RBPJ: variants seen among roughly 807,000 people sequenced by gnomAD.
RBPJ encodes recombination signal binding protein for immunoglobulin kappa J region, also known as recombining binding protein suppressor of hairless.
A neutral mutation model predicts 67.8 loss-of-function variants in RBPJ; 9 were observed. That is an observed-to-expected ratio of 0.13 (90% CI 0.08 to 0.23). RBPJ has a LOEUF of 0.23. Ranked by LOEUF, RBPJ falls within the 10% of genes least tolerant of loss-of-function variation. RBPJ has a pLI of 1.00. For missense variants in RBPJ, 305 were observed against 595.6 expected, an observed-to-expected ratio of 0.51 and a Z score of 5.08; for synonymous variants, 198 against 203.3, an observed-to-expected ratio of 0.97 and a Z score of 0.22.
At chr4:26,324,869 T>C (rs1723458087) in intron 1 of RBPJ, among the ~76,000 whole-genome samples, 2 of 152,216 alleles carry the variant, frequency 1.3e-5, no homozygotes, top group South Asian at 4.1e-4. Flanking sequence ...ACAACATGCT[T>C]TCACTGGACT....
At chr4:26,344,966 C>A (rs1390561468) in intron 1 of RBPJ, among the ~76,000 whole-genome samples, 1 of 152,182 alleles carries the variant, frequency 6.6e-6, no homozygotes, top group Non-Finnish European at 1.5e-5. Context: ...AAATGAGCTG[C>A]TGCTTTATTT....
At chr4:26,142,572 A>G in the RBPJ span, among the ~76,000 whole-genome samples, 1 of 152,364 alleles carries the variant, frequency 6.6e-6, no homozygotes, top group African/African-American at 2.4e-5. Flanking sequence ...AAGTGTTCAC[A>G]GGTATCACAC....
At chr4:26,208,408 A>G (rs60370991) in intron 1 of RBPJ, among the ~76,000 whole-genome samples, 21,146 of 152,180 alleles carry the variant, frequency 0.14, 1,704 homozygotes, top group South Asian at 0.2. Flanking sequence ...CTAGTGCAGA[A>G]GAGAAGGCTG....
At chr4:26,420,747 A>G in intron 5 of RBPJ, 22 bp downstream of exon 5, 1 of 1,555,342 alleles carries the variant, frequency 6.4e-7, no homozygotes, top group Non-Finnish European at 8.7e-7. Flanking sequence ...TTTCTTATTT[A>G]TCCCCAACTG....
intron 4 of RBPJ, among the ~76,000 whole-genome samples, chr4:26,416,285 G>GT (rs1279773550): frequency 1.1e-4 from 17 of 152,190 alleles, no homozygotes; most frequent in Non-Finnish European, 1.6e-4. Flanking sequence ...CCGGGACAGG[G>GT]TTTTTACTCT....
chr4:26,114,497 A>G, the RBPJ span, among the ~76,000 whole-genome samples: 66 of 140,070 alleles, frequency 4.7e-4, 1 homozygote, highest in African/African-American at 1.8e-3. Flanking sequence ...ATATATATAT[A>G]TGTATGTGTG....
chr4:26,209,389 A>G (rs1718284781), intron 1 of RBPJ, among the ~76,000 whole-genome samples: 1 of 152,146 alleles, frequency 6.6e-6, no homozygotes, highest in Non-Finnish European at 1.5e-5. Context: ...GATAATTTGA[A>G]ATACAAACCT....
At chr4:26,222,246 C>T (rs1560217552) in intron 1 of RBPJ, among the ~76,000 whole-genome samples, 1 of 152,190 alleles carries the variant, frequency 6.6e-6, no homozygotes, top group Non-Finnish European at 1.5e-5. Flanking sequence ...GTAATCCCAG[C>T]ACTCTGGGAG....
At chr4:26,382,276 A>T (rs1730407668) in intron 1 of RBPJ, among the ~76,000 whole-genome samples, 1 of 152,208 alleles carries the variant, frequency 6.6e-6, no homozygotes, top group South Asian at 2.1e-4. Context: ...TTTATAATTC[A>T]TTAAATTATA....
At chr4:26,397,778 C>T (rs949157566) in intron 2 of RBPJ, among the ~76,000 whole-genome samples, 6 of 152,162 alleles carry the variant, frequency 3.9e-5, no homozygotes, top group Admixed American at 6.5e-5. Context: ...GGATTACAGG[C>T]GTGTGCTACC....
intron 1 of RBPJ, among the ~76,000 whole-genome samples, chr4:26,196,416 G>C (rs1717763987): frequency 6.6e-6 from 1 of 152,232 alleles, no homozygotes; most frequent in African/African-American, 2.4e-5. Context: ...ATTAGTGGCT[G>C]CCTGGGACTG....
At chr4:26,130,702 G>C in the RBPJ span, among the ~76,000 whole-genome samples, 1 of 152,022 alleles carries the variant, frequency 6.6e-6, no homozygotes, top group Non-Finnish European at 1.5e-5. Flanking sequence ...AAAAAATTCT[G>C]TGCACTCCTT....
chr4:26,399,523 CT>C (rs34321374), intron 2 of RBPJ, among the ~76,000 whole-genome samples: 11,239 of 148,054 alleles, frequency 0.076, 588 homozygotes, highest in Non-Finnish European at 0.11. Flanking sequence ...TTTTTCTTTC[CT>C]TTTTTTTTTT....
intron 1 of RBPJ, among the ~76,000 whole-genome samples, chr4:26,244,201 A>C (rs1407078769): frequency 2.6e-5 from 3 of 116,716 alleles, no homozygotes; most frequent in African/African-American, 9.1e-5. Flanking sequence ...ATATGTGTCT[A>C]TATATGTATA....
chr4:26,331,181 G>GCCTCAATCTCCCGAGCTC (rs1177054454), intron 1 of RBPJ, among the ~76,000 whole-genome samples: 1 of 152,154 alleles, frequency 6.6e-6, no homozygotes, highest in Non-Finnish European at 1.5e-5. Flanking sequence ...GCTCACTGCA[G>GCCTCAATCTCCCGAGCTC]CCTCAATCTC....
intron 2 of RBPJ, among the ~76,000 whole-genome samples, chr4:26,401,418 A>G (rs1732785891): frequency 6.6e-6 from 1 of 152,250 alleles, no homozygotes; most frequent in Admixed American, 6.5e-5. Context: ...TGTACATAAT[A>G]GTGTTACCCT....
At chr4:26,308,013 A>G (rs1249690342) in intron 1 of RBPJ, among the ~76,000 whole-genome samples, 1 of 152,250 alleles carries the variant, frequency 6.6e-6, no homozygotes, top group African/African-American at 2.4e-5. Context: ...GCGGTGGCTC[A>G]CGCCTGTAAT....
chr4:26,393,683 G>A (rs1475114668), intron 2 of RBPJ, among the ~76,000 whole-genome samples: 2 of 151,766 alleles, frequency 1.3e-5, no homozygotes, highest in African/African-American at 4.8e-5. Flanking sequence ...CCTTGAGAAT[G>A]CTTTTTAAAA....
chr4:26,269,880 G>T (rs1720821309), intron 1 of RBPJ, among the ~76,000 whole-genome samples: 1 of 152,120 alleles, frequency 6.6e-6, no homozygotes, highest in African/African-American at 2.4e-5. Flanking sequence ...TTTATTTTTA[G>T]AAAGGACCCA....
Sources: allele counts gnomAD v4.1 joint callset (sites outside exome capture counted in the v4.1 genomes callset), GRCh38; gene constraint gnomAD v4.1.1; transcripts MANE v1.5; gene names NCBI Gene and HGNC (gene_info 2026-07-23, HGNC 2026-07-21).